The following SAP130 variants were observed in gnomAD, a reference collection of about 807,000 sequenced individuals.
The protein encoded by SAP130 is Sin3A associated protein 130.
In SAP130, 16 loss-of-function variants were observed where a neutral mutation model predicts 103.2. That is an observed-to-expected ratio of 0.16 (90% confidence interval 0.10 to 0.24). The LOEUF is 0.24. Ranked by LOEUF, SAP130 falls within the 10% of genes least tolerant of loss-of-function variation. SAP130 has a pLI of 1.00. For synonymous variants in SAP130, 477 were observed against 497.0 expected (o/e 0.96, Z 0.53); for missense variants, 990 against 1,359.7 (o/e 0.73, Z 4.28).
intron 15 of SAP130, among the ~76,000 whole-genome samples, chr2:127,976,001 T>C (rs1456043977): frequency 6.6e-6 from 1 of 152,126 alleles, no homozygotes; most frequent in Non-Finnish European, 1.5e-5. Flanking sequence ...CCCGCCACCA[T>C]GCCCGGCTAA....
chr2:127,954,445 A>T (rs80026853), intron 16 of SAP130, among the ~76,000 whole-genome samples: 6 of 144,874 alleles, frequency 4.1e-5, no homozygotes, highest in African/African-American at 1.3e-4. Context: ...ATAAATTATT[A>T]AAAAAAAAAA....
chr2:127,974,215 A>G (rs538262814), intron 15 of SAP130, among the ~76,000 whole-genome samples: 1 of 152,232 alleles, frequency 6.6e-6, no homozygotes, highest in South Asian at 2.1e-4. Context: ...AATAAGTCAG[A>G]TCATGTCACT....
At chr2:127,995,896 AAAC>A (rs749804875) in intron 11 of SAP130, among the ~76,000 whole-genome samples, 16 of 152,344 alleles carry the variant, frequency 1.1e-4, no homozygotes, top group Admixed American at 2.6e-4. Flanking sequence ...AACCATGAAG[AAAC>A]AACGTGACAG....
intron 2 of SAP130, among the ~76,000 whole-genome samples, chr2:128,023,156 A>G (rs1217286249): frequency 1.3e-5 from 2 of 151,984 alleles, no homozygotes; most frequent in Non-Finnish European, 2.9e-5. Flanking sequence ...CACCACGCCC[A>G]GCTAATTTTT....
intron 18 of SAP130, among the ~76,000 whole-genome samples, chr2:127,947,936 T>C (rs1412462855): frequency 6.6e-6 from 1 of 151,620 alleles, no homozygotes; most frequent in East Asian, 1.9e-4. Flanking sequence ...ATTACAGGTG[T>C]GTACCACCAT....
At chr2:127,987,303 A>T (rs1682473342) in intron 13 of SAP130, among the ~76,000 whole-genome samples, 1 of 152,102 alleles carries the variant, frequency 6.6e-6, no homozygotes, top group African/African-American at 2.4e-5. Flanking sequence ...TCCTGCCTTA[A>T]CCACAAGAGT....
chr2:127,966,139 A>C (rs1462354325), intron 15 of SAP130, among the ~76,000 whole-genome samples: 1 of 149,798 alleles, frequency 6.7e-6, no homozygotes, highest in Non-Finnish European at 1.5e-5. Context: ...TCAGGAGTTC[A>C]AGACCAGCCT....
intron 15 of SAP130, among the ~76,000 whole-genome samples, chr2:127,959,162 A>G (rs2104787894): frequency 6.6e-6 from 1 of 152,172 alleles, no homozygotes; most frequent in South Asian, 2.1e-4. Context: ...GGACCTCGGG[A>G]CCCCAGGAAT....
chr2:127,994,329 G>A lies in SAP130; in HGVS notation c.1356-1021C>T, dbSNP rs114620110. On this transcript the variant is annotated intron_variant, in intron 11 of 20. Coordinates refer to ENST00000643581, the MANE Select transcript of SAP130 (RefSeq NM_001330301.2). ...GTGAATCATTTGAGCTCAGGAGTTC[G>A]AGACCAGCCTGAGCACTCTGGGAGG... is the stretch of plus-strand genomic sequence containing the variant. Among the ~76,000 whole-genome samples the A allele has an allele frequency of 3.2e-3, 485 of 152,298 alleles. 3 individuals carry two copies. The highest frequency in any genetic ancestry group is 0.011 in the African/African-American group (460 of 41,566).
chr2:127,951,643 C>T (rs988214610), intron 16 of SAP130, among the ~76,000 whole-genome samples: 13 of 152,170 alleles, frequency 8.5e-5, no homozygotes, highest in Non-Finnish European at 1.5e-4. Flanking sequence ...ATTGTCCCTT[C>T]CTTTTCTTGC....
intron 2 of SAP130, among the ~76,000 whole-genome samples, chr2:128,018,332 C>CAAAAAAAA (rs1684916809): frequency 8.3e-6 from 1 of 120,720 alleles, no homozygotes; most frequent in Non-Finnish European, 1.8e-5. Context: ...AAAAAAAAAA[C>CAAAAAAAA]AAACCAAAAA....
chr2:128,016,068 C>T lies in SAP130; in HGVS notation c.507+321G>A, dbSNP rs147485989. ...CCTACCCCCGGAAGGCAGTTCTTGA[C>T]GCTAAAACCAAACACGAACCGGACT... On this transcript the variant is annotated intron_variant, in intron 4 of 20. Coordinates refer to ENST00000643581, the MANE Select transcript of SAP130 (RefSeq NM_001330301.2). Among the ~76,000 whole-genome samples the T allele has an allele frequency of 4.2e-3, 635 of 152,090 alleles. 9 individuals are homozygous for T. Among genetic ancestry groups the T allele is most frequent in the Admixed American group, 6.2e-3 (95 of 15,258 alleles).
At position 128,010,354 on chromosome 2, in the gene SAP130, C is replaced by A; in HGVS notation, c.784G>T (p.Ala262Ser). 1 of 1,613,990 alleles carries A rather than the reference C, an allele frequency of 6.2e-7. No homozygotes were observed. The highest frequency in any genetic ancestry group is 8.5e-7 in the Non-Finnish European group (1 of 1,179,960). Reference protein sequence around the residue: ...PVTTSNAIPPAVVATVSATRA... With the variant: ...PVTTSNAIPPSVVATVSATRA... ...GTGGCTGAGACAGTTGCTACCACAG[C>A]AGGAGGGATGGCATTGGAGGTGGTC... The change falls in exon 7 of 21, where the codon GCT becomes TCT. Residue 262 changes from alanine to serine, a missense_variant. Ala to Ser is a moderately conservative substitution (Grantham distance 99, BLOSUM62 1). Transcript: ENST00000643581.
chr2:127,969,113 C>T (rs533096778), intron 15 of SAP130, among the ~76,000 whole-genome samples: 2 of 152,154 alleles, frequency 1.3e-5, no homozygotes, highest in South Asian at 4.2e-4. Flanking sequence ...CAACTGGGGC[C>T]AATTTCAAGC....
intron 4 of SAP130, among the ~76,000 whole-genome samples, chr2:128,015,928 G>A (rs1684738830): frequency 6.9e-6 from 1 of 144,246 alleles, no homozygotes; most frequent in Admixed American, 7.0e-5. Context: ...GTGACACCGT[G>A]AGATTCTGTC....
At chr2:127,961,135 G>A (rs973060592) in intron 15 of SAP130, among the ~76,000 whole-genome samples, 8 of 151,100 alleles carry the variant, frequency 5.3e-5, no homozygotes, top group African/African-American at 1.9e-4. Context: ...GACCACAGGT[G>A]TGCACCACCA....
chr2:127,944,997 T>G (rs567362758), intron 19 of SAP130, among the ~76,000 whole-genome samples: 2 of 151,200 alleles, frequency 1.3e-5, no homozygotes, highest in Admixed American at 6.6e-5. Flanking sequence ...CTGAGTAACA[T>G]TGGAAATTGG....
intron 14 of SAP130, among the ~76,000 whole-genome samples, chr2:127,983,823 GTTTTTTTT>G (rs879920789): frequency 7.6e-5 from 6 of 79,286 alleles, no homozygotes; most frequent in Admixed American, 6.9e-4. Flanking sequence ...TTACTTTGTT[GTTTTTTTT>G]TTTTTTTTTT....
Position 127,999,745 on chromosome 2 carries a change from T to C in SAP130, c.1209A>G (p.Pro403=). The C allele has an allele frequency of 6.6e-7, 1 of 1,507,044 alleles. No homozygotes were observed. Among genetic ancestry groups the C allele is most frequent in the Non-Finnish European group, 8.9e-7 (1 of 1,129,040 alleles). 93.4% of individuals were successfully genotyped at this position (1,507,044 alleles called of 1,614,324 possible). ...HATAVTTSNI[P]VAKVVPQQIT... ...CGAAGGCAGCAGGCCACTTACCGAC[T>C]GGGATGTTTGAGGTGGTCACAGCAG... Residue 403 remains proline (P), a synonymous_variant, in exon 10 of 21, where the codon CCA becomes CCG. Transcript: ENST00000643581.
Sources: allele counts gnomAD v4.1 joint callset (sites outside exome capture counted in the v4.1 genomes callset), GRCh38; gene constraint gnomAD v4.1.1; transcripts MANE v1.5; gene names NCBI Gene and HGNC (gene_info 2026-07-23, HGNC 2026-07-21).